Variants in SLIT1 observed in about 807,000 individuals in gnomAD.
SLIT1 encodes the protein slit homolog 1 protein.
In SLIT1, 66 loss-of-function variants were observed where a neutral mutation model predicts 186.1. The ratio of observed to expected loss-of-function variants is 0.35; its 90% CI spans 0.29 to 0.44. SLIT1 has a LOEUF of 0.44. SLIT1 is among the 20% of genes least tolerant of loss of function. The pLI, the probability that SLIT1 is intolerant of heterozygous loss-of-function variation, is 1.00. For synonymous variants in SLIT1, 761 were observed against 833.8 expected (o/e 0.91, Z 1.50); for missense variants, 1,638 against 2,037.4 (o/e 0.80, Z 3.77).
At position 97,060,704 on chromosome 10, in the gene SLIT1, C is replaced by A; in HGVS notation, c.877G>T (p.Val293Leu). 6.2e-7 allele frequency: 1 copy of A among 1,613,826 alleles called. No individual in the cohort carries two copies. The highest frequency in any genetic ancestry group is 8.5e-7 in the Non-Finnish European group (1 of 1,180,036). The change falls in exon 9 of 37, where the codon GTG becomes TTG. Residue 293 changes from valine (V) to leucine (L), a missense_variant. Physicochemically the swap from Val to Leu is conservative, Grantham distance 32 (BLOSUM62 1). Transcript: ENST00000266058. ...GTGAGGCCTTTTCCACGACAGTCCACGATGCCATTGCTGCAGGTGCACATG... is the reference window on the plus strand; with the variant it reads ...GTGAGGCCTTTTCCACGACAGTCCAAGATGCCATTGCTGCAGGTGCACATG... ...PAMCTCSNGI[V>L]DCRGKGLTAI...
chr10:97,129,082 T>G (rs1849629751), intron 4 of SLIT1, among the ~76,000 whole-genome samples: 1 of 152,142 alleles, frequency 6.6e-6, no homozygotes, highest in African/African-American at 2.4e-5. Flanking sequence ...ACAACCTCCC[T>G]GTGCCTCAGT....
chr10:97,128,212 C>A (rs777831087), intron 4 of SLIT1, among the ~76,000 whole-genome samples: 116 of 152,262 alleles, frequency 7.6e-4, no homozygotes, highest in Middle Eastern at 6.8e-3. Flanking sequence ...ACTCTACAGT[C>A]CCAGGGCCCT....
At chr10:97,122,542 C>A (rs902473) in intron 4 of SLIT1, among the ~76,000 whole-genome samples, 71,539 of 151,822 alleles carry the variant, frequency 0.47, 19,435 homozygotes, top group Non-Finnish European at 0.6. Context: ...CAGACATGGC[C>A]TGGATGATGT....
At chr10:97,112,988 CCA>C (rs1178009335) in intron 4 of SLIT1, among the ~76,000 whole-genome samples, 1 of 151,656 alleles carries the variant, frequency 6.6e-6, no homozygotes, top group Non-Finnish European at 1.5e-5. Flanking sequence ...GCCACCACGT[CCA>C]GTTATTAAAT....
chr10:97,030,686 G>T, intron 25 of SLIT1, 71 bp downstream of exon 25: 1 of 1,236,210 alleles, frequency 8.1e-7, no homozygotes, highest in Non-Finnish European at 1.2e-6. Flanking sequence ...ATCTCAGGAG[G>T]TGGGATCTTC....
chr10:97,167,259 C>T (rs2636805), intron 1 of SLIT1, among the ~76,000 whole-genome samples: 71,014 of 151,978 alleles, frequency 0.47, 17,643 homozygotes, highest in Admixed American at 0.57. Context: ...CTCTGAGCCT[C>T]ACTGTGTTGC....
chr10:97,064,253 A>G lies in SLIT1; in HGVS notation c.558-14T>C, dbSNP rs142178014. The G allele has an allele frequency of 4.3e-5, 69 of 1,611,026 alleles. No individual in the cohort carries two copies. In the Middle Eastern group the frequency reaches 1.3e-3, roughly 31 times the overall value. On this transcript the variant is annotated splice_polypyrimidine_tract_variant and intron_variant, in intron 6 of 36. Coordinates refer to ENST00000266058, the MANE Select transcript of SLIT1 (RefSeq NM_003061.3). ...TTGTTCAGGGTCCTAAATGGGAAAA[A>G]CCAGAGTCATTTAGCACCTGCCCAG...
chr10:97,039,736 C>T (rs1848673770), intron 21 of SLIT1, among the ~76,000 whole-genome samples: 1 of 152,224 alleles, frequency 6.6e-6, no homozygotes, highest in South Asian at 2.1e-4. Flanking sequence ...AAAGGCGGAG[C>T]TTAGTTTAAA....
intron 4 of SLIT1, among the ~76,000 whole-genome samples, chr10:97,084,435 G>A (rs1449388074): frequency 6.6e-6 from 1 of 152,190 alleles, no homozygotes; most frequent in Non-Finnish European, 1.5e-5. Context: ...TGTGTAGAGT[G>A]AATGAGGGTT....
chr10:97,099,451 T>G (rs2134669301), intron 4 of SLIT1, among the ~76,000 whole-genome samples: 1 of 150,626 alleles, frequency 6.6e-6, no homozygotes, highest in Non-Finnish European at 1.5e-5. Context: ...AGACTCCAGG[T>G]TGGGGGGGTG....
Position 97,166,559 on chromosome 10 carries a change from G to A in SLIT1, c.198-1669C>T, listed in dbSNP as rs1367283943. 1.1e-3 allele frequency among the ~76,000 whole-genome samples: 64 copies of A among 56,050 alleles called. 1 individual carries two copies. The highest frequency in any genetic ancestry group is 3.8e-3 in the African/African-American group (59 of 15,684). 36.8% of individuals were successfully genotyped at this position (56,050 alleles called of 152,430 possible). ...GGAAGGAAGGAAGGAAGGAAGGAAA[G>A]AGAGAGAGAGAGAAAGAAAGAAAGA... On this transcript the variant is annotated intron_variant, in intron 1 of 36. Transcript: ENST00000266058.
chr10:97,001,139 G>C lies in SLIT1; in HGVS notation c.4578C>G (p.Thr1526=). ...ATGCGCAGAGGGCACAGCCACACTTGGTGGGCTTTTCCACCTCCTCGGCAA... is the reference window on the plus strand; with the variant it reads ...ATGCGCAGAGGGCACAGCCACACTTCGTGGGCTTTTCCACCTCCTCGGCAA... ...TSFAEEVEKP[T]KCGCALCA is the part of the protein sequence containing the mutation. The change falls in exon 37 of 37, where the codon ACC becomes ACG. Residue 1526 remains threonine, a synonymous_variant. Transcript: ENST00000266058. 6.2e-7 allele frequency: 1 copy of C among 1,613,078 alleles called. No homozygotes were observed. The highest frequency in any genetic ancestry group is 8.5e-7 in the Non-Finnish European group (1 of 1,179,818).
chr10:97,003,924 C>T lies in SLIT1; in HGVS notation c.3865+144G>A, dbSNP rs1452083560. ...CAGAGAGCAGCTGGGCTCCAGGCAG[C>T]GAGGCCAGTCCACCTGCAGCTTGGC... On this transcript the variant is annotated intron_variant, in intron 34 of 36. Coordinates refer to ENST00000266058, the MANE Select transcript of SLIT1 (RefSeq NM_003061.3). 2.7e-5 allele frequency: 20 copies of T among 737,964 alleles called. No homozygotes were observed. In the Admixed American group the frequency reaches 2.8e-4, roughly 10 times the overall value. The allele number at this position is 737,964 out of a possible 1,614,324, so 45.7% of individuals were successfully genotyped here.
chr10:97,038,023 C>G (rs1476242647), intron 21 of SLIT1, among the ~76,000 whole-genome samples: 1 of 152,150 alleles, frequency 6.6e-6, no homozygotes, highest in Non-Finnish European at 1.5e-5. Flanking sequence ...CGCTTCCCTT[C>G]TCACCCTCCC....
chr10:97,008,344 T>A (rs760428334), intron 31 of SLIT1, among the ~76,000 whole-genome samples: 22 of 152,098 alleles, frequency 1.4e-4, no homozygotes, highest in Non-Finnish European at 2.4e-4. Flanking sequence ...TTAAAGAAGA[T>A]CTAAATAAAT....
intron 4 of SLIT1, among the ~76,000 whole-genome samples, chr10:97,095,258 G>A (rs773312983): frequency 2.0e-5 from 3 of 152,150 alleles, no homozygotes; most frequent in Non-Finnish European, 4.4e-5. Flanking sequence ...ACTCCAGCCT[G>A]GGCAACAGAG....
rs1354103167 is a variant in SLIT1, at chr10:97,185,866, G to A, written c.-192C>T. 2 of 512,400 alleles carry A rather than the reference G, an allele frequency of 3.9e-6. No homozygotes were observed. Among genetic ancestry groups the A allele is most frequent in the Non-Finnish European group, 3.3e-6 (1 of 299,074 alleles). 31.7% of individuals were successfully genotyped at this position (512,400 alleles called of 1,614,324 possible). Reference sequence around the variant, plus strand: ...GCGCCTGTGCGCGGACGGAGGGAGGGCGCCTTGGGCGGAGGGGGCTCGGCT... The same window carrying A: ...GCGCCTGTGCGCGGACGGAGGGAGGACGCCTTGGGCGGAGGGGGCTCGGCT... On this transcript the variant is annotated 5_prime_UTR_variant, in exon 1 of 37. Coordinates refer to ENST00000266058, the MANE Select transcript of SLIT1 (RefSeq NM_003061.3).
chr10:97,049,087 A>G lies in SLIT1; in HGVS notation c.1333T>C (p.Cys445Arg). ...HLAQNPFICD[C>R]NLKWLADFLR... ...AAGTCTGCCAGCCACTTGAGGTTAC[A>G]GTCGCAAATGAAAGGGTTCTGCGCC... The change falls in exon 14 of 37, where the codon TGT becomes CGT. Residue 445 changes from cysteine to arginine, a missense_variant. This residue lies in a region of SLIT1 where 1,245 missense variants were observed against 1,535.3 expected (regional missense o/e 0.81). Transcript: ENST00000266058. 1 of 1,613,820 alleles carries G rather than the reference A, an allele frequency of 6.2e-7. No individual in the cohort carries two copies. The highest frequency in any genetic ancestry group is 1.1e-5 in the South Asian group (1 of 91,070).
chr10:97,094,282 C>A (rs1305458977), intron 4 of SLIT1, among the ~76,000 whole-genome samples: 1 of 152,246 alleles, frequency 6.6e-6, no homozygotes, highest in Non-Finnish European at 1.5e-5. Flanking sequence ...AAAAAGGCAT[C>A]CCTTCTTCAA....
Sources: gnomAD v4.1 joint callset for allele counts (sites outside exome capture counted in the v4.1 genomes callset) on GRCh38, gnomAD v4.1.1 for gene constraint, gnomAD v4.1.1 regional missense constraint, MANE v1.5 for transcripts, NCBI Gene and HGNC (gene_info 2026-07-23, HGNC 2026-07-21) for gene names.